The following MED13 variants were observed in gnomAD, a reference collection of about 807,000 sequenced individuals.
MED13 encodes the protein mediator complex subunit 13.
MED13 carries 23 observed loss-of-function variants against 225.2 expected under a neutral mutation model. The ratio of observed to expected loss-of-function variants is 0.10; its 90% confidence interval spans 0.07 to 0.14. MED13 has a LOEUF of 0.14. Among genes scored for constraint, MED13 ranks in the 10% least tolerant of loss-of-function variants. MED13 has a pLI of 1.00. For synonymous variants in MED13, 942 were observed against 889.2 expected (o/e 1.06, Z -1.06); for missense variants, 2,197 against 2,594.5 (o/e 0.85, Z 3.33).
intron 11 of MED13, among the ~76,000 whole-genome samples, chr17:61,990,817 G>T (rs1567963419): frequency 1.3e-5 from 2 of 152,054 alleles, no homozygotes; most frequent in East Asian, 3.9e-4. Flanking sequence ...ATTCAAAGTG[G>T]AGTCTTGACC....
At chr17:62,020,073 C>A (rs2080624251) in intron 8 of MED13, among the ~76,000 whole-genome samples, 1 of 152,008 alleles carries the variant, frequency 6.6e-6, no homozygotes, top group African/African-American at 2.4e-5. Flanking sequence ...TAGAACACAA[C>A]CACATTGAGC....
chr17:62,065,087 A>C, intron 1 of MED13, 53 bp downstream of exon 1: 1 of 1,480,298 alleles, frequency 6.8e-7, no homozygotes, highest in South Asian at 1.3e-5. Flanking sequence ...CCACGGCCCA[A>C]GGGCGCACCT....
At chr17:61,949,866 G>A (rs1238474282) in intron 28 of MED13, among the ~76,000 whole-genome samples, 3 of 151,880 alleles carry the variant, frequency 2.0e-5, no homozygotes, top group Non-Finnish European at 4.4e-5. Flanking sequence ...TGTAGTTTTA[G>A]TAGAAACGGG....
At chr17:61,963,202 C>CAAAAAAAAAAAAAAAAAAAAAAAAAAA (rs11290002) in intron 20 of MED13, among the ~76,000 whole-genome samples, 4 of 55,788 alleles carry the variant, frequency 7.2e-5, no homozygotes, top group Non-Finnish European at 1.2e-4. Context: ...TTAAATTTAC[C>CAAAAAAAAAAAAAAAAAAAAAAAAAAA]AAAAAAAAAA....
intron 9 of MED13, 79 bp from the exon 10 acceptor site, chr17:61,995,444 T>A (rs2080339120): frequency 1.1e-6 from 1 of 925,124 alleles, no homozygotes; most frequent in Non-Finnish European, 1.6e-6. Flanking sequence ...TATCATAATG[T>A]TTTTAGAATT....
At chr17:61,963,369 T>C (rs1024210034) in intron 20 of MED13, among the ~76,000 whole-genome samples, 1 of 152,076 alleles carries the variant, frequency 6.6e-6, no homozygotes, top group Non-Finnish European at 1.5e-5. Flanking sequence ...ACCAAATTTA[T>C]AAAGGTGGCT....
At chr17:62,015,784 T>TATAC in intron 8 of MED13, among the ~76,000 whole-genome samples, 1 of 138,396 alleles carries the variant, frequency 7.2e-6, no homozygotes, top group East Asian at 2.2e-4. Context: ...ACTATATATA[T>TATAC]ATACACACAC....
At chr17:62,043,156 CAAAAAAA>C (rs764530614) in intron 3 of MED13, among the ~76,000 whole-genome samples, 342 of 31,704 alleles carry the variant, frequency 0.011, 6 homozygotes, top group African/African-American at 0.032. Flanking sequence ...ACCCTGTCTC[CAAAAAAA>C]AAAAAAAAAA....
chr17:62,024,662 T>C (rs189082778), intron 8 of MED13, among the ~76,000 whole-genome samples: 2 of 152,300 alleles, frequency 1.3e-5, no homozygotes, highest in East Asian at 3.9e-4. Context: ...TAGTATCCAA[T>C]AGTTATTTTT....
At chr17:61,957,417 T>A (rs2079956438) in intron 23 of MED13, among the ~76,000 whole-genome samples, 1 of 151,944 alleles carries the variant, frequency 6.6e-6, no homozygotes, top group Non-Finnish European at 1.5e-5. Flanking sequence ...TGGCATGATC[T>A]CTGCTCACTG....
Position 61,979,748 on chromosome 17 carries a change from C to A in MED13, c.3805+2450G>T, listed in dbSNP as rs569331317. ...AAAATTGTCTAAGTTTGCTTCTCAT[C>A]CCGTTCTTTTGTGAACCCACTCCAA... On this transcript the variant is annotated intron_variant, in intron 16 of 29. Transcript: ENST00000397786. Among the ~76,000 whole-genome samples, 4 of 152,322 alleles carry A rather than the reference C, an allele frequency of 2.6e-5. No individual in the cohort carries two copies. The East Asian group carries it at 7.7e-4, about 29-fold the overall frequency.
chr17:61,994,384 T>G (rs2080329818), intron 10 of MED13, among the ~76,000 whole-genome samples: 3 of 152,246 alleles, frequency 2.0e-5, no homozygotes. Flanking sequence ...GATTTTTAAA[T>G]TTTATTCTAA....
chr17:62,010,052 T>C (rs1447296754), intron 9 of MED13, among the ~76,000 whole-genome samples: 1 of 151,928 alleles, frequency 6.6e-6, no homozygotes, highest in African/African-American at 2.4e-5. Flanking sequence ...TGAAACCCCA[T>C]CTCTACTAAA....
At chr17:62,053,219 T>G (rs980904510) in intron 2 of MED13, among the ~76,000 whole-genome samples, 6 of 152,226 alleles carry the variant, frequency 3.9e-5, no homozygotes, top group African/African-American at 1.4e-4. Flanking sequence ...AGGAAGCTGT[T>G]GGCACAGAGC....
At chr17:62,053,728 T>C (rs943495244) in intron 2 of MED13, among the ~76,000 whole-genome samples, 12 of 152,128 alleles carry the variant, frequency 7.9e-5, no homozygotes, top group Non-Finnish European at 1.5e-5. Flanking sequence ...AAGACAAACG[T>C]TTCTCAATTC....
At chr17:62,037,723 G>A (rs1279401765) in intron 3 of MED13, among the ~76,000 whole-genome samples, 2 of 150,902 alleles carry the variant, frequency 1.3e-5, no homozygotes, top group Non-Finnish European at 2.9e-5. Flanking sequence ...GGGAGGGCAA[G>A]GCAGGTGGAT....
intron 17 of MED13, among the ~76,000 whole-genome samples, chr17:61,970,674 T>C (rs2080098821): frequency 1.0e-5 from 1 of 95,562 alleles, no homozygotes; most frequent in Admixed American, 1.3e-4. Flanking sequence ...AGAGTGAGAC[T>C]GTCTCAAAAA....
Position 62,035,448 on chromosome 17 carries a change from A to T in MED13, c.616+15T>A. On this transcript the variant is annotated intron_variant, in intron 4 of 29. Coordinates refer to ENST00000397786, the MANE Select transcript of MED13 (RefSeq NM_005121.3). ...CAATAAAAGATCAAATACCTAATAT[A>T]ATAAAATAATCTACCTTGAAATGGG... The T allele has an allele frequency of 6.3e-7, 1 of 1,575,198 alleles. No homozygotes were observed. Among genetic ancestry groups the T allele is most frequent in the Non-Finnish European group, 8.6e-7 (1 of 1,161,860 alleles).
intron 2 of MED13, among the ~76,000 whole-genome samples, chr17:62,056,140 T>TAA (rs1031501312): frequency 5.6e-4 from 85 of 152,338 alleles, no homozygotes; most frequent in African/African-American, 2.0e-3. Context: ...TAACGCTCAA[T>TAA]AAAGTCTGAA....
Sources: allele counts gnomAD v4.1 joint callset (sites outside exome capture counted in the v4.1 genomes callset), GRCh38; gene constraint gnomAD v4.1.1; transcripts MANE v1.5; gene names NCBI Gene and HGNC (gene_info 2026-07-23, HGNC 2026-07-21).